The following UBA5 variants were observed in gnomAD, a reference collection of about 807,000 sequenced individuals.
UBA5 encodes the protein ubiquitin like modifier activating enzyme 5.
A neutral mutation model predicts 52.9 loss-of-function variants in UBA5; 28 were observed. The observed-to-expected ratio is 0.53, with a 90% confidence interval of 0.39 to 0.73. The LOEUF (loss-of-function observed/expected upper bound fraction) is 0.73, where lower values mean the gene tolerates loss of function less well. Ranked by LOEUF, UBA5 falls within the 30% of genes least tolerant of loss-of-function variation. The pLI, the probability that UBA5 is intolerant of heterozygous loss-of-function variation, is 0.00. For synonymous variants in UBA5, 135 were observed against 162.1 expected (o/e 0.83, Z 1.27); for missense variants, 388 against 492.7 (o/e 0.79, Z 2.01).
At position 132,676,914 on chromosome 3, in the gene UBA5, T is replaced by C; in HGVS notation, c.*388T>C. 1 of 456,360 alleles carries C rather than the reference T, an allele frequency of 2.2e-6. No homozygotes were observed. The highest frequency in any genetic ancestry group is 6.9e-5 in the East Asian group (1 of 14,434). The allele number at this position is 456,360 out of a possible 1,614,324, so 28.3% of individuals were successfully genotyped here. ...AATAAAGTAGTATATGATCCTCAGA[T>C]ACAGGGAGAAGGACAAGGCATACAG... On this transcript the variant is annotated 3_prime_UTR_variant, in exon 12 of 12. Transcript: ENST00000356232. The surrounding 1 kb of genome is among the most constrained non-coding windows in gnomAD (Gnocchi z 4.1).
chr3:132,666,653 A>G (rs1938391828), intron 3 of UBA5, among the ~76,000 whole-genome samples: 1 of 152,124 alleles, frequency 6.6e-6, no homozygotes, highest in Admixed American at 6.6e-5. Context: ...ACAATTATAT[A>G]TCCTTTAATT....
rs765201647 is a variant in UBA5, at chr3:132,660,572, T to A, written c.35T>A (p.Val12Asp). 6 of 1,550,514 alleles carry A rather than the reference T, an allele frequency of 3.9e-6. No homozygotes were observed. The highest frequency in any genetic ancestry group is 5.2e-6 in the Non-Finnish European group (6 of 1,147,502). The change falls in exon 1 of 12, where the codon GTC becomes GAC. Residue 12 changes from valine to aspartate, a missense_variant. Physicochemically the swap from Val to Asp is radical, Grantham distance 152. Around this residue, in one of 3 missense-constraint regions of UBA5, gnomAD observed 95 missense variants for 107.0 expected, o/e 0.89. Transcript: ENST00000356232. This position sits in a 1 kb window ranked among gnomAD's most constrained non-coding sequence, Gnocchi z 4.1. The part of the protein sequence containing the change: ...AESVERLQQR[V>D]QELERELAQE... Reference sequence around the variant, plus strand: ...TCTGTGGAGCGCCTGCAGCAGCGGGTCCAGGAGCTGGAGCGGGAACTTGCC... The same window carrying A: ...TCTGTGGAGCGCCTGCAGCAGCGGGACCAGGAGCTGGAGCGGGAACTTGCC...
Position 132,660,734 on chromosome 3 carries a change from G to C in UBA5, c.161+36G>C, listed in dbSNP as rs925511402. The C allele has an allele frequency of 1.7e-5, 25 of 1,503,694 alleles. No individual in the cohort carries two copies. The highest frequency in any genetic ancestry group is 2.2e-5 in the Non-Finnish European group (25 of 1,119,970). The allele number at this position is 1,503,694 out of a possible 1,614,324, so 93.1% of individuals were successfully genotyped here. A position where few individuals can be genotyped will look rare whatever the true frequency, so the allele number is the denominator to read the frequency against. ...TCGCCGGTCGGAGGCAGGCGCGGGG[G>C]ACGAGGTCAGGCTCCGTGAGGTCAG... On this transcript the variant is annotated intron_variant, in intron 1 of 11. Transcript: ENST00000356232. The surrounding 1 kb of genome is among the most constrained non-coding windows in gnomAD (Gnocchi z 4.1).
At chr3:132,671,669 A>G in intron 6 of UBA5, 108 bp from the exon 7 acceptor site, 2 of 846,954 alleles carry the variant, frequency 2.4e-6, no homozygotes, top group East Asian at 2.6e-5. Flanking sequence ...TTGTTCTGAA[A>G]ATTAATTTTA....
chr3:132,677,938 A>T lies in UBA5; in HGVS notation c.*1412A>T, dbSNP rs996545239. 1.3e-5 allele frequency: 2 copies of T among 152,176 alleles called. No homozygotes were observed. The highest frequency in any genetic ancestry group is 2.4e-5 in the African/African-American group (1 of 41,448). 9.4% of individuals were successfully genotyped at this position (152,176 alleles called of 1,614,324 possible). On this transcript the variant is annotated 3_prime_UTR_variant, in exon 12 of 12. Transcript: ENST00000356232. ...CTTGGTGAGTCTTCTATCATTTTTT[A>T]AAAATTTAGCTTATTGAACTGTAAA...
intron 1 of UBA5, among the ~76,000 whole-genome samples, chr3:132,664,470 TCTAACCACA>T (rs200859449): frequency 0.034 from 5,252 of 152,288 alleles, 158 homozygotes; most frequent in South Asian, 0.074. Context: ...AAGATGTTCT[TCTAACCACA>T]GCAAGAGAGT....
chr3:132,668,835 T>C lies in UBA5; in HGVS notation c.315T>C (p.Tyr105=), dbSNP rs1470501689. ...CGIGKLLLFD[Y]DKVELANMNR... ...CATTTTAGTTGCTACTCTTTGATTA[T>C]GACAAGGTGGAACTAGCCAATATGA... Residue 105 remains tyrosine (Y), a synonymous_variant, in exon 4 of 12, where the codon TAT becomes TAC. Coordinates refer to ENST00000356232, the MANE Select transcript of UBA5 (RefSeq NM_024818.6). The C allele has an allele frequency of 6.2e-7, 1 of 1,605,228 alleles. No homozygotes were observed. Among genetic ancestry groups the C allele is most frequent in the Non-Finnish European group, 8.5e-7 (1 of 1,177,382 alleles).
chr3:132,655,473 T>C (rs1937738825), upstream of UBA5, among the ~76,000 whole-genome samples: 1 of 152,234 alleles, frequency 6.6e-6, no homozygotes, highest in African/African-American at 2.4e-5. Flanking sequence ...ATTTGGGCTG[T>C]GTTTCCTCAA....
At chr3:132,667,333 C>T (rs1032533508) in intron 3 of UBA5, 2 of 152,148 alleles carry the variant, frequency 1.3e-5, no homozygotes, top group African/African-American at 4.8e-5. Flanking sequence ...AGAGGTAGAA[C>T]AGTAGTTATA....
chr3:132,672,482 C>G (rs1476207890), intron 8 of UBA5, among the ~76,000 whole-genome samples: 1 of 151,988 alleles, frequency 6.6e-6, no homozygotes, highest in Non-Finnish European at 1.5e-5. Context: ...TTAAATGATA[C>G]AATGGTAGTG....
At chr3:132,670,326 C>T in intron 5 of UBA5, 42 bp downstream of exon 5, 1 of 794,848 alleles carries the variant, frequency 1.3e-6, no homozygotes, top group Non-Finnish European at 2.0e-6. Context: ...ATGTCCAGCT[C>T]AAGTATTAGA....
upstream of UBA5, among the ~76,000 whole-genome samples, chr3:132,657,670 C>T (rs138848605): frequency 7.0e-4 from 106 of 152,162 alleles, 1 homozygote; most frequent in African/African-American, 2.0e-3. Flanking sequence ...TTTGATGCTC[C>T]TGTAAGTTTT....
chr3:132,656,176 T>G (rs1443552615), upstream of UBA5, among the ~76,000 whole-genome samples: 1 of 152,242 alleles, frequency 6.6e-6, no homozygotes. Context: ...ATTTTCACTG[T>G]TGTATGCTAC....
chr3:132,666,145 A>T, intron 3 of UBA5, 72 bp downstream of exon 3: 1 of 1,371,410 alleles, frequency 7.3e-7, no homozygotes. Context: ...ACAAGTTAGG[A>T]TTTTTTTTCT....
intron 8 of UBA5, among the ~76,000 whole-genome samples, chr3:132,673,743 T>C (rs887743597): frequency 6.6e-6 from 1 of 151,468 alleles, no homozygotes; most frequent in Non-Finnish European, 1.5e-5. Context: ...CAATCTCGGC[T>C]AACTGCAGTC....
Position 132,660,529 on chromosome 3 carries a change from G to A in UBA5, c.-9G>A, listed in dbSNP as rs534709270. 213 of 1,548,102 alleles carry A rather than the reference G, an allele frequency of 1.4e-4. 2 individuals carry two copies. The South Asian group carries it at 2.4e-3, about 17-fold the overall frequency. ...CGGGCTGGGAGCGTTGGCGGCCGGA[G>A]TCCCAGCCATGGCGGAGTCTGTGGA... On this transcript the variant is annotated 5_prime_UTR_variant, in exon 1 of 12. Transcript: ENST00000356232. The surrounding 1 kb of genome is among the most constrained non-coding windows in gnomAD (Gnocchi z 4.1).
chr3:132,676,585 A>C lies in UBA5; in HGVS notation c.*59A>C. The C allele has an allele frequency of 6.2e-6, 8 of 1,297,612 alleles. No individual in the cohort carries two copies. The highest frequency in any genetic ancestry group is 8.7e-6 in the Non-Finnish European group (8 of 923,302). 80.4% of individuals were successfully genotyped at this position (1,297,612 alleles called of 1,614,324 possible). On this transcript the variant is annotated 3_prime_UTR_variant, in exon 12 of 12. Coordinates refer to ENST00000356232, the MANE Select transcript of UBA5 (RefSeq NM_024818.6). This position sits in a 1 kb window ranked among gnomAD's most constrained non-coding sequence, Gnocchi z 4.1. ...TAAAGCCTCTTCCCTTGAAATTAAAAAAAAATTTTAACTGATAAAACTTAG... is the reference window on the plus strand; with the variant it reads ...TAAAGCCTCTTCCCTTGAAATTAAACAAAAATTTTAACTGATAAAACTTAG...
intron 8 of UBA5, among the ~76,000 whole-genome samples, 171 bp from the exon 9 acceptor site, chr3:132,675,077 G>A (rs1938772956): frequency 6.6e-6 from 1 of 151,928 alleles, no homozygotes; most frequent in South Asian, 2.1e-4. Context: ...TCTACTATGA[G>A]CCAGGCACTG....
Position 132,675,864 on chromosome 3 carries a change from T to C in UBA5, c.1072T>C (p.Ser358Pro). The change falls in exon 11 of 12, where the codon TCA becomes CCA. Residue 358 changes from serine to proline, a missense_variant. By Grantham distance (74) the Ser-to-Pro change is moderately conservative (BLOSUM62 -1). This residue lies in a region of UBA5 where 277 missense variants were observed against 326.4 expected (regional missense o/e 0.85). Coordinates refer to ENST00000356232, the MANE Select transcript of UBA5 (RefSeq NM_024818.6). The part of the protein sequence containing the change: ...EVSEEELKNF[S>P]GPVPDLPEGI... ...TTCAGAAGAGGAACTGAAAAATTTTTCAGGTCCAGTTCCAGACTTACCTGA... is the reference window on the plus strand; with the variant it reads ...TTCAGAAGAGGAACTGAAAAATTTTCCAGGTCCAGTTCCAGACTTACCTGA... The C allele has an allele frequency of 1.2e-6, 2 of 1,611,790 alleles. No homozygotes were observed. Among genetic ancestry groups the C allele is most frequent in the Non-Finnish European group, 1.7e-6 (2 of 1,179,264 alleles).
Sources: gnomAD v4.1 joint callset for allele counts (sites outside exome capture counted in the v4.1 genomes callset) on GRCh38, gnomAD v4.1.1 for gene constraint, gnomAD v4.1.1 regional missense constraint, Gnocchi (gnomAD v3.1) non-coding constraint, MANE v1.5 for transcripts, NCBI Gene and HGNC (gene_info 2026-07-23, HGNC 2026-07-21) for gene names.